The following TMEM192 variants were observed in gnomAD, a reference collection of about 807,000 sequenced individuals.
TMEM192 encodes the protein transmembrane protein 192.
TMEM192 carries 20 observed loss-of-function variants against 26.7 expected under a neutral mutation model. The observed-to-expected ratio is 0.75, with a 90% CI of 0.53 to 1.09. TMEM192 has a LOEUF of 1.09. Ranked by LOEUF, TMEM192 falls within the 50% of genes least tolerant of loss-of-function variation. The probability of loss-of-function intolerance (pLI) is 0.00; values close to 1 mark genes in which losing one functional copy is unlikely to be tolerated. For synonymous variants in TMEM192, 124 were observed against 121.0 expected, an observed-to-expected ratio of 1.02 and a Z score of -0.16; for missense variants, 304 against 322.6, an observed-to-expected ratio of 0.94 and a Z score of 0.44.
rs1734381506 is a variant in TMEM192 at position 165,076,331 on chromosome 4, C to CT, written c.*3326dup. 2 of 152,182 alleles carry CT rather than the reference C, an allele frequency of 1.3e-5. No homozygotes were observed. The highest frequency in any genetic ancestry group is 4.8e-5 in the African/African-American group (2 of 41,448). The allele number at this position is 152,182 out of a possible 1,614,324, so 9.4% of individuals were successfully genotyped here. ...CATATTGAACTACCATCTGATCCTGCTGAAACTAAAACTGACATTGTCACT... is the reference window on the plus strand; with the variant it reads ...CATATTGAACTACCATCTGATCCTGCTTGAAACTAAAACTGACATTGTCACT... On this transcript the variant is annotated 3_prime_UTR_variant, in exon 6 of 6. Transcript: ENST00000306480.
intron 3 of TMEM192, among the ~76,000 whole-genome samples, chr4:165,097,184 A>T (rs1487133155): frequency 6.6e-6 from 1 of 152,166 alleles, no homozygotes; most frequent in Non-Finnish European, 1.5e-5. Flanking sequence ...ATGAACTTGC[A>T]GCATGCCCTT....
At chr4:165,104,591 C>T (rs1044079629) in intron 1 of TMEM192, among the ~76,000 whole-genome samples, 12 of 152,170 alleles carry the variant, frequency 7.9e-5, no homozygotes, top group Admixed American at 1.3e-4. Context: ...AGTGCAGTGG[C>T]TCAATCTCGG....
At chr4:165,098,426 T>A (rs1734964665) in intron 3 of TMEM192, among the ~76,000 whole-genome samples, 1 of 150,536 alleles carries the variant, frequency 6.6e-6, no homozygotes, top group Non-Finnish European at 1.5e-5. Context: ...CGCCCAGGAA[T>A]TTCTTTTTTT....
chr4:165,090,507 T>C (rs578020545), intron 3 of TMEM192, among the ~76,000 whole-genome samples: 3 of 152,240 alleles, frequency 2.0e-5, no homozygotes, highest in African/African-American at 7.2e-5. Context: ...CCTCACGCAA[T>C]GTACCTCTTC....
rs984485892 is a variant in TMEM192 at position 165,073,295 on chromosome 4, T to C, written c.*6363A>G. ...TGTGCTCACAGAAACATGTGCTGTA[T>C]TGGATCAGTTTAATGGATTTAGGGC... On this transcript the variant is annotated 3_prime_UTR_variant, in exon 6 of 6. Transcript: ENST00000306480. The C allele has an allele frequency of 6.6e-6, 1 of 152,380 alleles. No homozygotes were observed. The highest frequency in any genetic ancestry group is 1.5e-5 in the Non-Finnish European group (1 of 68,170). The allele number at this position is 152,380 out of a possible 1,614,324, so 9.4% of individuals were successfully genotyped here. A position where few individuals can be genotyped will look rare whatever the true frequency, so the allele number is the denominator to read the frequency against.
rs1734305877 is a variant in TMEM192, at chr4:165,073,164, G to C, written c.*6494C>G. 1 of 152,994 alleles carries C rather than the reference G, an allele frequency of 6.5e-6. No individual in the cohort carries two copies. Among genetic ancestry groups the C allele is most frequent in the South Asian group, 2.1e-4 (1 of 4,846 alleles). The allele number at this position is 152,994 out of a possible 1,614,324, so 9.5% of individuals were successfully genotyped here. On this transcript the variant is annotated 3_prime_UTR_variant, in exon 6 of 6. Transcript: ENST00000306480. ...AAAAGAGAGAGATCAGATTGTTACT[G>C]TGTCTATGTAGAAAAAGAAGACATA... is the stretch of plus-strand genomic sequence containing the variant.
rs1193516850 is a variant in TMEM192 at position 165,088,409 on chromosome 4, C to T, written c.574+59G>A. 4 of 1,551,652 alleles carry T rather than the reference C, an allele frequency of 2.6e-6. No homozygotes were observed. In the African/African-American group the frequency reaches 5.4e-5, roughly 21 times the overall value. Reference sequence around the variant, plus strand: ...TGTCGCTAATGGGCTATACTTTAAACTGGGAGGAAAGGAAGCAGTTCGAAG... The same window carrying T: ...TGTCGCTAATGGGCTATACTTTAAATTGGGAGGAAAGGAAGCAGTTCGAAG... On this transcript the variant is annotated intron_variant, in intron 4 of 5. Coordinates refer to ENST00000306480, the MANE Select transcript of TMEM192 (RefSeq NM_001100389.2).
intron 3 of TMEM192, among the ~76,000 whole-genome samples, chr4:165,096,088 C>T (rs1399316802): frequency 1.3e-5 from 2 of 151,780 alleles, no homozygotes; most frequent in Non-Finnish European, 2.9e-5. Flanking sequence ...TGAGCCACTG[C>T]ACCTGGCCCA....
intron 3 of TMEM192, among the ~76,000 whole-genome samples, chr4:165,091,079 C>T (rs1734751249): frequency 6.6e-6 from 1 of 151,746 alleles, no homozygotes; most frequent in African/African-American, 2.4e-5. Context: ...TCCTGGCTAA[C>T]ACAGTGAAAC....
At chr4:165,092,920 AAT>A (rs1461772917) in intron 3 of TMEM192, among the ~76,000 whole-genome samples, 1 of 151,772 alleles carries the variant, frequency 6.6e-6, no homozygotes, top group African/African-American at 2.4e-5. Context: ...AATAAAAATA[AAT>A]AAAAAAAGTT....
At chr4:165,095,020 G>C (rs1367300428) in intron 3 of TMEM192, among the ~76,000 whole-genome samples, 1 of 151,784 alleles carries the variant, frequency 6.6e-6, no homozygotes, top group Non-Finnish European at 1.5e-5. Context: ...TATTCATTAA[G>C]AATATTTGGA....
chr4:165,108,667 T>C (rs116337291), intron 1 of TMEM192, among the ~76,000 whole-genome samples: 2,760 of 152,208 alleles, frequency 0.018, 94 homozygotes, highest in African/African-American at 0.063. Flanking sequence ...TCCAATCCTT[T>C]TAGGTGGTTC....
chr4:165,090,369 G>A (rs914403582), intron 3 of TMEM192, among the ~76,000 whole-genome samples: 1 of 151,174 alleles, frequency 6.6e-6, no homozygotes, highest in South Asian at 2.1e-4. Flanking sequence ...GTGACAGAGC[G>A]AGACTCCATT....
chr4:165,091,853 T>C lies in TMEM192; in HGVS notation c.440-3251A>G, dbSNP rs377660683. Among the ~76,000 whole-genome samples, 33 of 152,284 alleles carry C rather than the reference T, an allele frequency of 2.2e-4. No individual in the cohort carries two copies. In the South Asian group the frequency reaches 6.6e-3, roughly 31 times the overall value. On this transcript the variant is annotated intron_variant, in intron 3 of 5. Coordinates refer to ENST00000306480, the MANE Select transcript of TMEM192 (RefSeq NM_001100389.2). ...GATGCCATTTTTAGAAGTTTGCATTTAAGACACAAAAAAGAAACAAAAAGT... is the reference window on the plus strand; with the variant it reads ...GATGCCATTTTTAGAAGTTTGCATTCAAGACACAAAAAAGAAACAAAAAGT...
chr4:165,108,828 C>T (rs910127889), intron 1 of TMEM192, among the ~76,000 whole-genome samples: 9 of 152,156 alleles, frequency 5.9e-5, no homozygotes, highest in African/African-American at 2.2e-4. Flanking sequence ...TTGTGAACTC[C>T]AGTTACCTCG....
chr4:165,104,833 G>C (rs1488657893), intron 1 of TMEM192, among the ~76,000 whole-genome samples: 2 of 152,096 alleles, frequency 1.3e-5, no homozygotes, highest in Non-Finnish European at 2.9e-5. Flanking sequence ...GCCTGGCCAA[G>C]TCTTTTATTC....
At chr4:165,084,110 C>T (rs958000194) in intron 5 of TMEM192, among the ~76,000 whole-genome samples, 4 of 152,074 alleles carry the variant, frequency 2.6e-5, no homozygotes, top group African/African-American at 4.8e-5. Context: ...CATGAGCCAC[C>T]GCGCCCAGTC....
rs572296559 is a variant in TMEM192 at position 165,112,646 on chromosome 4, T to G, written c.27+101A>C. The G allele has an allele frequency of 1.2e-5, 18 of 1,530,276 alleles. No individual in the cohort carries two copies. The East Asian group carries it at 2.5e-4, about 21-fold the overall frequency. The allele number at this position is 1,530,276 out of a possible 1,614,324, so 94.8% of individuals were successfully genotyped here. A position where few individuals can be genotyped will look rare whatever the true frequency, so the allele number is the denominator to read the frequency against. ...GCGCCCCCTTCGGCCGCGGCCGCAG[T>G]CGCCAAGGGTGGCTTCCCTCTCTGA... On this transcript the variant is annotated intron_variant, in intron 1 of 5. Coordinates refer to ENST00000306480, the MANE Select transcript of TMEM192 (RefSeq NM_001100389.2).
chr4:165,071,555 A>T lies in TMEM192; in HGVS notation c.*8103T>A, dbSNP rs886266232. The T allele has an allele frequency of 6.6e-6, 1 of 152,348 alleles. No homozygotes were observed. The highest frequency in any genetic ancestry group is 2.4e-5 in the African/African-American group (1 of 41,416). The allele number at this position is 152,348 out of a possible 1,614,324, so 9.4% of individuals were successfully genotyped here. The stretch of plus-strand genomic sequence containing the variant: ...TGATCCACCCACCTCAGCCTCCCAA[A>T]GTGCTGGGATTACAGGGGTTAGCCA... On this transcript the variant is annotated 3_prime_UTR_variant, in exon 6 of 6. Coordinates refer to ENST00000306480, the MANE Select transcript of TMEM192 (RefSeq NM_001100389.2).
Sources: gnomAD v4.1 joint callset for allele counts (sites outside exome capture counted in the v4.1 genomes callset) on GRCh38, gnomAD v4.1.1 for gene constraint, MANE v1.5 for transcripts, NCBI Gene and HGNC (gene_info 2026-07-23, HGNC 2026-07-21) for gene names.